NOX4: variants seen among roughly 807,000 people sequenced by gnomAD.
The protein encoded by NOX4 is kidney oxidase-1.
In NOX4, 69 loss-of-function variants were observed where a neutral mutation model predicts 87.6. The observed-to-expected ratio is 0.79, with a 90% CI of 0.65 to 0.96. The LOEUF (loss-of-function observed/expected upper bound fraction) is 0.96. Among genes scored for constraint, NOX4 ranks in the 40% least tolerant of loss-of-function variants. The pLI is 0.00. For synonymous variants in NOX4, 275 were observed against 238.2 expected (o/e 1.15, Z -1.42); for missense variants, 680 against 681.5 (o/e 1.00, Z 0.02).
At chr11:89,533,100 T>C in the NOX4 span, among the ~76,000 whole-genome samples, 1 of 152,304 alleles carries the variant, frequency 6.6e-6, no homozygotes, top group Admixed American at 6.5e-5. Context: ...GATAATACTA[T>C]GTGTCTCAAA....
At chr11:89,453,336 A>G (rs1363344609) in intron 2 of NOX4, among the ~76,000 whole-genome samples, 2 of 152,234 alleles carry the variant, frequency 1.3e-5, no homozygotes, top group Non-Finnish European at 2.9e-5. Flanking sequence ...TTCACTTAGC[A>G]TAACATCCTC....
intron 2 of NOX4, among the ~76,000 whole-genome samples, chr11:89,455,756 G>T (rs1435050751): frequency 6.9e-6 from 1 of 144,090 alleles, no homozygotes; most frequent in South Asian, 2.1e-4. Flanking sequence ...GAAACAAAAA[G>T]CAGGCACTTC....
chr11:89,478,618 T>G (rs1026804501), intron 2 of NOX4, among the ~76,000 whole-genome samples: 1 of 152,134 alleles, frequency 6.6e-6, no homozygotes, highest in African/African-American at 2.4e-5. Flanking sequence ...GAATTAACTT[T>G]CATATACCTA....
chr11:89,331,427 T>TA (rs1316478577), intron 17 of NOX4, among the ~76,000 whole-genome samples: 1 of 151,484 alleles, frequency 6.6e-6, no homozygotes, highest in African/African-American at 2.4e-5. Flanking sequence ...TAGTAAAAAT[T>TA]AAAAAAAGCT....
At chr11:89,331,281 C>T (rs996784936) in intron 17 of NOX4, among the ~76,000 whole-genome samples, 21 of 151,554 alleles carry the variant, frequency 1.4e-4, no homozygotes, top group East Asian at 3.9e-4. Flanking sequence ...AATATTTGAA[C>T]GAGATGAAAA....
intron 12 of NOX4, among the ~76,000 whole-genome samples, chr11:89,364,551 GA>G (rs942170838): frequency 3.3e-5 from 5 of 151,824 alleles, no homozygotes; most frequent in African/African-American, 7.3e-5. Flanking sequence ...TACATAAGGG[GA>G]AAAAAATCCC....
chr11:89,343,892 T>C (rs1355301371), intron 13 of NOX4, among the ~76,000 whole-genome samples: 1 of 152,036 alleles, frequency 6.6e-6, no homozygotes, highest in Non-Finnish European at 1.5e-5. Flanking sequence ...GATATCTTCC[T>C]CCCTGACCCA....
At chr11:89,581,214 A>G in the NOX4 span, among the ~76,000 whole-genome samples, 1 of 152,142 alleles carries the variant, frequency 6.6e-6, no homozygotes, top group Non-Finnish European at 1.5e-5. Flanking sequence ...TTCAGTTAGC[A>G]ATAGATGGGG....
At chr11:89,481,789 G>A (rs1041265857) in intron 2 of NOX4, among the ~76,000 whole-genome samples, 24 of 152,024 alleles carry the variant, frequency 1.6e-4, no homozygotes, top group Non-Finnish European at 4.4e-5. Flanking sequence ...CCATCAAACA[G>A]GGTAAATGGA....
At chr11:89,471,755 G>C (rs1296959882) in intron 2 of NOX4, among the ~76,000 whole-genome samples, 1 of 151,730 alleles carries the variant, frequency 6.6e-6, no homozygotes, top group Non-Finnish European at 1.5e-5. Context: ...TGTTTGTTTG[G>C]GTTTTTGAGA....
intron 15 of NOX4, among the ~76,000 whole-genome samples, chr11:89,339,236 A>G (rs1484159927): frequency 6.6e-6 from 1 of 152,176 alleles, no homozygotes; most frequent in African/African-American, 2.4e-5. Context: ...ATACTCTAAA[A>G]GAATCTGGTG....
chr11:89,491,626 T>C, upstream of NOX4: 1 of 247,358 alleles, frequency 4.0e-6, no homozygotes, highest in Non-Finnish European at 7.7e-6. Context: ...CTTGGAGGCG[T>C]CCCCCGCAGC....
At chr11:89,337,225 G>A (rs1239912940) in intron 16 of NOX4, among the ~76,000 whole-genome samples, 1 of 151,968 alleles carries the variant, frequency 6.6e-6, no homozygotes, top group Non-Finnish European at 1.5e-5. Context: ...AGTGAAGAGG[G>A]GAGGGGCAGA....
chr11:89,400,214 C>T lies in NOX4; in HGVS notation c.1011+1G>A. On this transcript the variant is annotated splice_donor_variant, in intron 10 of 17. Coordinates refer to ENST00000263317, the MANE Select transcript of NOX4 (RefSeq NM_016931.5). LOFTEE classifies it high-confidence loss of function. ...TAAAAAGTTGCTGACCACTGACTCA[C>T]CTGACCAGGTCTTGCTTTAAAATTT... The T allele has an allele frequency of 6.2e-7, 1 of 1,611,866 alleles. No homozygotes were observed. Among genetic ancestry groups the T allele is most frequent in the East Asian group, 2.2e-5 (1 of 44,786 alleles).
the NOX4 span, among the ~76,000 whole-genome samples, chr11:89,576,460 A>T: frequency 6.6e-6 from 1 of 152,360 alleles, no homozygotes; most frequent in Middle Eastern, 3.4e-3. Context: ...CTTAAAAATC[A>T]TACGATAAAA....
chr11:89,547,774 G>A, the NOX4 span, among the ~76,000 whole-genome samples: 1 of 152,088 alleles, frequency 6.6e-6, no homozygotes, highest in African/African-American at 2.4e-5. Flanking sequence ...GATAGGTATT[G>A]TTTAAAGCTT....
chr11:89,448,218 AAAC>A (rs369024514), intron 4 of NOX4, among the ~76,000 whole-genome samples: 186 of 152,196 alleles, frequency 1.2e-3, no homozygotes, highest in South Asian at 9.1e-3. Flanking sequence ...TTACAGTTAA[AAAC>A]AACAACAACA....
intron 8 of NOX4, among the ~76,000 whole-genome samples, chr11:89,421,440 T>A (rs937245143): frequency 2.0e-5 from 3 of 152,140 alleles, no homozygotes; most frequent in Non-Finnish European, 4.4e-5. Context: ...GACAGATCCT[T>A]TTCTTTGGTT....
chr11:89,457,558 G>C (rs1381327625), intron 2 of NOX4, among the ~76,000 whole-genome samples: 1 of 152,188 alleles, frequency 6.6e-6, no homozygotes, highest in African/African-American at 2.4e-5. Flanking sequence ...TGAGGGCCTA[G>C]TACAGCCATC....
Sources: allele counts gnomAD v4.1 joint callset (sites outside exome capture counted in the v4.1 genomes callset), GRCh38; gene constraint gnomAD v4.1.1; transcripts MANE v1.5; gene names NCBI Gene and HGNC (gene_info 2026-07-23, HGNC 2026-07-21).